WARS2: variants seen among roughly 807,000 people sequenced by gnomAD.
WARS2 encodes tryptophanyl tRNA synthetase 2, mitochondrial, also known as tryptophan--tRNA ligase, mitochondrial.
WARS2 carries 28 observed loss-of-function variants against 36.5 expected under a neutral mutation model. That is an observed-to-expected ratio of 0.77 (90% confidence interval 0.57 to 1.05). The LOEUF (loss-of-function observed/expected upper bound fraction) is 1.05. Among genes scored for constraint, WARS2 ranks in the 50% least tolerant of loss-of-function variants. WARS2 has a pLI of 0.00. For missense variants in WARS2, 435 were observed against 456.8 expected (o/e 0.95, Z 0.44); for synonymous variants, 174 against 178.4 (o/e 0.98, Z 0.20).
chr1:119,074,823 T>C (rs1050350209), intron 2 of WARS2, among the ~76,000 whole-genome samples: 4 of 152,212 alleles, frequency 2.6e-5, no homozygotes, highest in South Asian at 2.1e-4. Context: ...AATGAAATCA[T>C]GTCTTTTGCA....
intron 1 of WARS2, among the ~76,000 whole-genome samples, chr1:119,084,034 T>C (rs1051475714): frequency 1.3e-5 from 2 of 152,054 alleles, no homozygotes; most frequent in African/African-American, 4.8e-5. Context: ...TGTTTTTTTT[T>C]TTTTTGAGAC....
chr1:119,099,547 C>A (rs1004983175), intron 1 of WARS2, among the ~76,000 whole-genome samples: 1 of 152,138 alleles, frequency 6.6e-6, no homozygotes, highest in Non-Finnish European at 1.5e-5. Flanking sequence ...TGGAGGAAAA[C>A]GCTTTGGTCT....
chr1:119,060,167 C>T (rs1049746910), intron 2 of WARS2, among the ~76,000 whole-genome samples: 2 of 152,208 alleles, frequency 1.3e-5, no homozygotes, highest in Non-Finnish European at 2.9e-5. Flanking sequence ...GTAATGGCTA[C>T]TTAGCTTGGT....
At chr1:119,102,237 C>T (rs190008635) in intron 1 of WARS2, among the ~76,000 whole-genome samples, 1 of 152,302 alleles carries the variant, frequency 6.6e-6, no homozygotes, top group Admixed American at 6.5e-5. Context: ...GTCTATAGTC[C>T]AGTTGTGATT....
At chr1:119,121,647 A>T (rs587648665) in intron 1 of WARS2, among the ~76,000 whole-genome samples, 1 of 152,298 alleles carries the variant, frequency 6.6e-6, no homozygotes, top group South Asian at 2.1e-4. Context: ...AAACTATACT[A>T]CAAGGTTATA....
chr1:119,066,680 G>C (rs550744085), intron 2 of WARS2, among the ~76,000 whole-genome samples: 1 of 152,234 alleles, frequency 6.6e-6, no homozygotes, highest in South Asian at 2.1e-4. Flanking sequence ...AATCTTACCA[G>C]TAGTCAGGGA....
At chr1:119,063,272 AG>A (rs1316773072) in intron 2 of WARS2, 1 of 152,696 alleles carries the variant, frequency 6.5e-6, no homozygotes, top group African/African-American at 2.4e-5. Flanking sequence ...GAAATTTCTA[AG>A]CAGCAAAGCA....
chr1:119,066,344 G>C (rs923939595), intron 2 of WARS2, among the ~76,000 whole-genome samples: 2 of 151,892 alleles, frequency 1.3e-5, no homozygotes, highest in African/African-American at 4.8e-5. Flanking sequence ...CGGGTGTGGT[G>C]GTGGGCGCCT....
chr1:119,101,982 A>C (rs1053016200), intron 1 of WARS2, among the ~76,000 whole-genome samples: 1 of 151,474 alleles, frequency 6.6e-6, no homozygotes. Context: ...AGTCCTATTT[A>C]CAAACTGCAG....
At chr1:119,101,982 A>G (rs1053016200) in intron 1 of WARS2, among the ~76,000 whole-genome samples, 4 of 151,474 alleles carry the variant, frequency 2.6e-5, no homozygotes, top group Non-Finnish European at 5.9e-5. Flanking sequence ...AGTCCTATTT[A>G]CAAACTGCAG....
chr1:119,132,149 G>A (rs1010732738), intron 1 of WARS2, among the ~76,000 whole-genome samples: 2 of 152,156 alleles, frequency 1.3e-5, no homozygotes, highest in African/African-American at 4.8e-5. Flanking sequence ...GAGGTTTAGT[G>A]AAGTCAAAAA....
intron 1 of WARS2, among the ~76,000 whole-genome samples, chr1:119,078,594 CTTTT>C (rs1571326342): frequency 6.6e-6 from 1 of 152,054 alleles, no homozygotes; most frequent in East Asian, 1.9e-4. Flanking sequence ...GTTGGGAACT[CTTTT>C]TATGATTACT....
chr1:119,128,011 T>A (rs1232068814), intron 1 of WARS2, among the ~76,000 whole-genome samples: 1 of 152,182 alleles, frequency 6.6e-6, no homozygotes, highest in African/African-American at 2.4e-5. Flanking sequence ...TAATAACTCT[T>A]CTAAAGCTTT....
intron 1 of WARS2, among the ~76,000 whole-genome samples, chr1:119,112,270 C>A (rs1654692675): frequency 6.6e-6 from 1 of 152,084 alleles, no homozygotes; most frequent in Non-Finnish European, 1.5e-5. Flanking sequence ...TGTCTAAATT[C>A]CTTATATACC....
At chr1:119,051,883 C>G (rs1391324824) in intron 2 of WARS2, among the ~76,000 whole-genome samples, 1 of 151,356 alleles carries the variant, frequency 6.6e-6, no homozygotes, top group Non-Finnish European at 1.5e-5. Flanking sequence ...CTTACCCTCC[C>G]AAGTAGCTGG....
At chr1:119,117,594 G>C (rs1245367050) in intron 1 of WARS2, among the ~76,000 whole-genome samples, 1 of 152,202 alleles carries the variant, frequency 6.6e-6, no homozygotes. Flanking sequence ...TCCTGAGTCT[G>C]TTCACGTGAC....
At chr1:119,061,555 T>G (rs1650384692) in intron 2 of WARS2, among the ~76,000 whole-genome samples, 2 of 152,132 alleles carry the variant, frequency 1.3e-5, no homozygotes, top group South Asian at 4.1e-4. Flanking sequence ...GAACATAGTC[T>G]CATGAAACTA....
chr1:119,120,506 C>T (rs895047920), intron 1 of WARS2, among the ~76,000 whole-genome samples: 1 of 151,970 alleles, frequency 6.6e-6, no homozygotes, highest in Non-Finnish European at 1.5e-5. Flanking sequence ...CCTACTGAAA[C>T]TATTGCAAAA....
In WARS2 at chr1:119,113,784, A is replaced by AT. The variant is rs1476654613; in HGVS notation, c.90+26770dup. 4.6e-5 allele frequency among the ~76,000 whole-genome samples: 7 copies of AT among 152,216 alleles called. No homozygotes were observed. In the East Asian group the frequency reaches 1.2e-3, roughly 25 times the overall value. On this transcript the variant is annotated intron_variant, in intron 1 of 5. Transcript: ENST00000235521. ...CTATGCTTCTGCTATTTCTTCAACT[A>AT]TAATAAGACAATAATATAATTTTAA...
Sources: allele counts gnomAD v4.1 joint callset (sites outside exome capture counted in the v4.1 genomes callset), GRCh38; gene constraint gnomAD v4.1.1; transcripts MANE v1.5; gene names NCBI Gene and HGNC (gene_info 2026-07-23, HGNC 2026-07-21).